Variants in KIAA1328 observed in about 807,000 individuals in gnomAD.
The protein encoded by KIAA1328 is KIAA1328, also known as protein hinderin.
KIAA1328 carries 52 observed loss-of-function variants against 68.1 expected under a neutral mutation model. The ratio of observed to expected loss-of-function variants is 0.76; its 90% CI spans 0.61 to 0.96. The LOEUF (loss-of-function observed/expected upper bound fraction) is 0.96, where lower values mean the gene tolerates loss of function less well. Ranked by LOEUF, KIAA1328 falls within the 40% of genes least tolerant of loss-of-function variation. The pLI is 0.00. For synonymous variants in KIAA1328, 232 were observed against 239.4 expected, an observed-to-expected ratio of 0.97 and a Z score of 0.28; for missense variants, 641 against 677.6, an observed-to-expected ratio of 0.95 and a Z score of 0.60.
chr18:36,895,874 G>C (rs554985458), intron 5 of KIAA1328: 29 of 432,710 alleles, frequency 6.7e-5, no homozygotes, highest in East Asian at 3.6e-4. Flanking sequence ...ACACCCCCAC[G>C]TTGTCCTGTG....
At chr18:37,105,916 CAAAAAAAAAAAAAAAAA>C (rs58940699) in intron 7 of KIAA1328, among the ~76,000 whole-genome samples, 1 of 19,502 alleles carries the variant, frequency 5.1e-5, no homozygotes, top group African/African-American at 1.2e-4. Flanking sequence ...GACTCTGTGT[CAAAAAAAAAAAAAAAAA>C]AAAAAAAAAA....
At chr18:36,835,207 G>T in intron 2 of KIAA1328, 27 bp from the exon 3 acceptor site, 2 of 1,603,906 alleles carry the variant, frequency 1.2e-6, no homozygotes, top group Non-Finnish European at 1.7e-6. Flanking sequence ...GTATAATTTT[G>T]AAATCTTGTT....
intron 7 of KIAA1328, among the ~76,000 whole-genome samples, chr18:37,113,655 A>G (rs2058011552): frequency 6.6e-6 from 1 of 152,156 alleles, no homozygotes; most frequent in Non-Finnish European, 1.5e-5. Context: ...TTCACACATA[A>G]CAATATTAAC....
chr18:37,119,052 C>T (rs1454866914), intron 7 of KIAA1328, among the ~76,000 whole-genome samples: 1 of 152,132 alleles, frequency 6.6e-6, no homozygotes, highest in African/African-American at 2.4e-5. Flanking sequence ...TACCATATTT[C>T]ATTTTCTTTG....
At chr18:36,935,992 A>G (rs2050485472) in intron 5 of KIAA1328, among the ~76,000 whole-genome samples, 1 of 152,226 alleles carries the variant, frequency 6.6e-6, no homozygotes. Context: ...AAATATAGCC[A>G]GGATACTCAG....
At chr18:37,173,905 A>G (rs958501522) in intron 9 of KIAA1328, among the ~76,000 whole-genome samples, 2 of 152,194 alleles carry the variant, frequency 1.3e-5, no homozygotes, top group Admixed American at 1.3e-4. Context: ...CAGTGCCTAT[A>G]GATATGCTGT....
At chr18:37,026,070 T>A (rs559285897) in intron 6 of KIAA1328, among the ~76,000 whole-genome samples, 1 of 152,050 alleles carries the variant, frequency 6.6e-6, no homozygotes, top group Non-Finnish European at 1.5e-5. Context: ...AAATACAAAC[T>A]GCCATCAGAG....
At chr18:36,988,073 A>G (rs1487270451) in intron 6 of KIAA1328, among the ~76,000 whole-genome samples, 1 of 152,180 alleles carries the variant, frequency 6.6e-6, no homozygotes, top group Admixed American at 6.5e-5. Flanking sequence ...CCATTTTAAT[A>G]TATGTTTAAT....
At chr18:36,910,081 C>T (rs2049377072) in intron 5 of KIAA1328, among the ~76,000 whole-genome samples, 1 of 152,154 alleles carries the variant, frequency 6.6e-6, no homozygotes, top group African/African-American at 2.4e-5. Context: ...TGCCTGTTCA[C>T]TCTGATGGTA....
Position 37,224,816 on chromosome 18 carries a change from T to C in KIAA1328, c.*2589T>C. On this transcript the variant is annotated 3_prime_UTR_variant, in exon 10 of 10. Coordinates refer to ENST00000280020, the MANE Select transcript of KIAA1328 (RefSeq NM_020776.3). The stretch of plus-strand genomic sequence containing the variant: ...GGGCGTTGCGGATAGTGCCTCACCA[T>C]TGCCCACCCTGCTGCCCAACTCCTG... 1.0e-6 allele frequency: 1 copy of C among 985,448 alleles called. No homozygotes were observed. The highest frequency in any genetic ancestry group is 4.7e-5 in the South Asian group (1 of 21,292). The allele number at this position is 985,448 out of a possible 1,614,324, so 61.0% of individuals were successfully genotyped here. A position where few individuals can be genotyped will look rare whatever the true frequency, so the allele number is the denominator to read the frequency against.
At chr18:36,864,223 A>G (rs920472705) in intron 4 of KIAA1328, among the ~76,000 whole-genome samples, 2 of 151,364 alleles carry the variant, frequency 1.3e-5, no homozygotes, top group African/African-American at 2.4e-5. Context: ...TCTTTAGCCT[A>G]TTGATATGGT....
At chr18:37,047,841 G>C (rs1345721229) in intron 6 of KIAA1328, among the ~76,000 whole-genome samples, 1 of 152,120 alleles carries the variant, frequency 6.6e-6, no homozygotes, top group Non-Finnish European at 1.5e-5. Context: ...ACCTAGCACA[G>C]TATCCGGCAG....
chr18:37,225,131 G>A lies in KIAA1328; in HGVS notation c.*2904G>A. The A allele has an allele frequency of 1.0e-6, 1 of 984,198 alleles. No individual in the cohort carries two copies. The highest frequency in any genetic ancestry group is 1.2e-6 in the Non-Finnish European group (1 of 829,316). 61.0% of individuals were successfully genotyped at this position (984,198 alleles called of 1,614,324 possible). A position where few individuals can be genotyped will look rare whatever the true frequency, so the allele number is the denominator to read the frequency against. On this transcript the variant is annotated 3_prime_UTR_variant, in exon 10 of 10. Coordinates refer to ENST00000280020, the MANE Select transcript of KIAA1328 (RefSeq NM_020776.3). ...CTTCCGGCACCAAGTTCATAATAGA[G>A]ATCTTCTGGCCAGAGAATCAGGGGA...
chr18:36,979,237 T>C (rs2052590135), intron 6 of KIAA1328, among the ~76,000 whole-genome samples: 1 of 152,068 alleles, frequency 6.6e-6, no homozygotes, highest in Non-Finnish European at 1.5e-5. Context: ...TACCTATTGG[T>C]GTGCCTCTTA....
chr18:36,901,086 T>G (rs1306930598), intron 5 of KIAA1328, among the ~76,000 whole-genome samples: 1 of 152,072 alleles, frequency 6.6e-6, no homozygotes. Context: ...CTTATGAATA[T>G]TTAGAGTTCT....
intron 6 of KIAA1328, among the ~76,000 whole-genome samples, chr18:36,976,907 C>A (rs1476413716): frequency 6.6e-6 from 1 of 152,110 alleles, no homozygotes; most frequent in Non-Finnish European, 1.5e-5. Flanking sequence ...CAGGTCATAT[C>A]AATGATTCAA....
At chr18:37,213,680 G>A (rs1427218120) in intron 9 of KIAA1328, among the ~76,000 whole-genome samples, 3 of 152,074 alleles carry the variant, frequency 2.0e-5, no homozygotes, top group African/African-American at 7.2e-5. Flanking sequence ...GGGATCACTG[G>A]GTCAAATGGT....
chr18:36,906,040 G>A (rs2049209521), intron 5 of KIAA1328, among the ~76,000 whole-genome samples: 1 of 152,076 alleles, frequency 6.6e-6, no homozygotes, highest in Non-Finnish European at 1.5e-5. Flanking sequence ...CAGTGCTAAT[G>A]TATACTTCCT....
At chr18:36,875,822 A>G (rs1428177504) in intron 4 of KIAA1328, among the ~76,000 whole-genome samples, 1 of 152,162 alleles carries the variant, frequency 6.6e-6, no homozygotes, top group Non-Finnish European at 1.5e-5. Context: ...AATAGCCCTT[A>G]TTATTTTGAG....
Sources: gnomAD v4.1 joint callset for allele counts (sites outside exome capture counted in the v4.1 genomes callset) on GRCh38, gnomAD v4.1.1 for gene constraint, MANE v1.5 for transcripts, NCBI Gene and HGNC (gene_info 2026-07-23, HGNC 2026-07-21) for gene names.